The following OR3A2 variants were observed in gnomAD, a reference collection of about 807,000 sequenced individuals.
OR3A2 encodes olfactory receptor family 3 subfamily A member 2.
For synonymous variants in OR3A2, 126 were observed against 159.3 expected (o/e 0.79, Z 1.57); for missense variants, 318 against 392.8 (o/e 0.81, Z 1.61).
At position 3,332,147 on chromosome 17, in the gene OR3A2, A is replaced by G. The variant is rs184570105; in HGVS notation, c.-85+3886T>C. The stretch of plus-strand genomic sequence containing the variant: ...GTCAGACAGGGACATTTAAGTCTGC[A>G]GAGGTTACTGCTGACTTTTTGTCTG... On this transcript the variant is annotated intron_variant, in intron 3 of 4. Coordinates refer to the OR3A2 transcript ENST00000573491. 3.2e-4 allele frequency among the ~76,000 whole-genome samples: 48 copies of G among 152,352 alleles called. No individual in the cohort carries two copies. The East Asian group carries it at 7.7e-3, about 24-fold the overall frequency.
chr17:3,278,136 T>C (rs750024407), exon 2 of OR3A2: 9 of 1,614,250 alleles, frequency 5.6e-6, no homozygotes, highest in Middle Eastern at 1.6e-4. Context: ...TCTCATGTAG[T>C]TGAAGATACC....
chr17:3,377,793 C>A (rs2049696525), intron 2 of OR3A2, among the ~76,000 whole-genome samples: 1 of 152,138 alleles, frequency 6.6e-6, no homozygotes. Context: ...ATTGATAATA[C>A]CAGGTGTTGA....
chr17:3,297,200 T>TAAATCAACA (rs2048925904), intron 3 of OR3A2, among the ~76,000 whole-genome samples: 1 of 152,210 alleles, frequency 6.6e-6, no homozygotes, highest in Non-Finnish European at 1.5e-5. Flanking sequence ...TAAAAATTCT[T>TAAATCAACA]AAATCAACAA....
At chr17:3,326,762 T>C (rs558448539) in intron 3 of OR3A2, among the ~76,000 whole-genome samples, 3,796 of 136,964 alleles carry the variant, frequency 0.028, 80 homozygotes, top group Non-Finnish European at 0.045. Context: ...GTCCATGTGA[T>C]CTCATTGTTC....
chr17:3,355,755 G>A (rs2049461695), intron 2 of OR3A2, among the ~76,000 whole-genome samples: 1 of 151,366 alleles, frequency 6.6e-6, no homozygotes, highest in Non-Finnish European at 1.5e-5. Flanking sequence ...TGGGTCTCAT[G>A]TATTCATCCA....
chr17:3,339,524 G>A (rs1171910025), intron 2 of OR3A2, among the ~76,000 whole-genome samples: 2 of 152,144 alleles, frequency 1.3e-5, no homozygotes, highest in Non-Finnish European at 2.9e-5. Flanking sequence ...TGCATCTATT[G>A]AGAAAATCAT....
intron 3 of OR3A2, among the ~76,000 whole-genome samples, chr17:3,335,772 C>A (rs1280543359): frequency 6.6e-6 from 1 of 152,158 alleles, no homozygotes; most frequent in Admixed American, 6.6e-5. Context: ...AAAAGTCTGA[C>A]AGAGAACACA....
chr17:3,328,817 A>C (rs2049201245), intron 3 of OR3A2, among the ~76,000 whole-genome samples: 1 of 141,000 alleles, frequency 7.1e-6, no homozygotes, highest in South Asian at 2.4e-4. Context: ...TGAGATAATC[A>C]TGTGGTTTTT....
In OR3A2 at chr17:3,278,540, G is replaced by C. The variant is rs775305453; in HGVS notation, c.378C>G (p.Leu126=). ...AGGTGAGGGGCTGGCAGATGGCCAG[G>C]AGTCGGTCATAGGCCATGGCGGTCA... The change falls in exon 2 of 2, where the codon CTC becomes CTG. Residue 126 remains leucine (L), a synonymous_variant. Transcript: ENST00000642052. 38 of 1,613,356 alleles carry C rather than the reference G, an allele frequency of 2.4e-5. 1 individual carries two copies. In the Middle Eastern group the frequency reaches 8.3e-4, roughly 35 times the overall value.
intron 3 of OR3A2, among the ~76,000 whole-genome samples, chr17:3,296,999 A>G (rs1008249133): frequency 3.7e-4 from 56 of 152,344 alleles, no homozygotes; most frequent in African/African-American, 1.3e-3. Flanking sequence ...TCCCTCAGCC[A>G]GTAGCTGCCC....
At chr17:3,322,478 A>C (rs1472422771) in intron 3 of OR3A2, among the ~76,000 whole-genome samples, 1 of 152,132 alleles carries the variant, frequency 6.6e-6, no homozygotes, top group Non-Finnish European at 1.5e-5. Context: ...CATCAATTTT[A>C]GATCTTTCCT....
At chr17:3,313,923 C>T (rs6502719) in intron 3 of OR3A2, among the ~76,000 whole-genome samples, 23,064 of 152,166 alleles carry the variant, frequency 0.15, 2,325 homozygotes, top group African/African-American at 0.28. Context: ...AATTTGTCTT[C>T]CACATAGGAA....
chr17:3,382,946 A>G (rs2049750477), intron 2 of OR3A2, among the ~76,000 whole-genome samples: 1 of 152,182 alleles, frequency 6.6e-6, no homozygotes, highest in Admixed American at 6.5e-5. Context: ...TGCCGGACCC[A>G]ATAAAGGCAC....
At chr17:3,306,913 C>A (rs959977974) in intron 3 of OR3A2, among the ~76,000 whole-genome samples, 3 of 152,210 alleles carry the variant, frequency 2.0e-5, no homozygotes, top group African/African-American at 7.2e-5. Flanking sequence ...GAGTGTCACT[C>A]TTATACTTCC....
At chr17:3,330,509 A>C (rs914139525) in intron 3 of OR3A2, among the ~76,000 whole-genome samples, 5 of 151,984 alleles carry the variant, frequency 3.3e-5, no homozygotes, top group Non-Finnish European at 7.4e-5. Context: ...TTAAAGTCTG[A>C]TTTATCAGAG....
chr17:3,368,459 C>A (rs993443766), intron 2 of OR3A2, among the ~76,000 whole-genome samples: 22 of 152,182 alleles, frequency 1.4e-4, no homozygotes, highest in African/African-American at 5.1e-4. Flanking sequence ...GTGTAGCTTG[C>A]CAATTATGCC....
intron 2 of OR3A2, among the ~76,000 whole-genome samples, chr17:3,355,789 G>A (rs1040285998): frequency 6.6e-6 from 1 of 151,302 alleles, no homozygotes; most frequent in Non-Finnish European, 1.5e-5. Flanking sequence ...TCTTTTGGTT[G>A]GAGAGTTTAG....
At chr17:3,368,971 C>T (rs187105685) in intron 2 of OR3A2, among the ~76,000 whole-genome samples, 19 of 152,216 alleles carry the variant, frequency 1.2e-4, no homozygotes, top group Admixed American at 5.9e-4. Flanking sequence ...AGCTATATTT[C>T]TAAGTATACA....
intron 3 of OR3A2, among the ~76,000 whole-genome samples, chr17:3,303,722 C>T (rs1476890374): frequency 7.8e-6 from 1 of 128,014 alleles, no homozygotes. Context: ...TCCAGCCTGG[C>T]GAATGAGCAA....
Sources: gnomAD v4.1 joint callset for allele counts (sites outside exome capture counted in the v4.1 genomes callset) on GRCh38, gnomAD v4.1.1 for gene constraint, MANE v1.5 for transcripts, NCBI Gene and HGNC (gene_info 2026-07-23, HGNC 2026-07-21) for gene names.